Variants in BST1 observed in about 807,000 individuals in gnomAD.
BST1 encodes ADP-ribosyl cyclase/cyclic ADP-ribose hydrolase 2.
Under a neutral mutation model 40.6 loss-of-function variants are expected in BST1, and 49 were observed. The observed-to-expected ratio is 1.21, with a 90% CI of 0.96 to 1.53. The LOEUF is 1.53. BST1 is among the 40% of genes most tolerant of loss of function. The pLI, the probability that BST1 is intolerant of heterozygous loss-of-function variation, is 0.00. For missense variants in BST1, 423 were observed against 395.9 expected, an observed-to-expected ratio of 1.07 and a Z score of -0.58; for synonymous variants, 157 against 159.3, an observed-to-expected ratio of 0.99 and a Z score of 0.11.
intron 2 of BST1, among the ~76,000 whole-genome samples, chr4:15,706,975 T>C (rs533546997): frequency 6.6e-6 from 1 of 152,232 alleles, no homozygotes; most frequent in Non-Finnish European, 1.5e-5. Flanking sequence ...GGATTTGTGT[T>C]ATTGTTATAT....
chr4:15,739,554 C>CGTGTGTGTGTGTGTGTGTGT (rs58171340), downstream of BST1, among the ~76,000 whole-genome samples: 1 of 143,942 alleles, frequency 6.9e-6, no homozygotes, highest in Non-Finnish European at 1.5e-5. Flanking sequence ...GAAGCCAAAC[C>CGTGTGTGTGTGTGTGTGTGT]GTGTGTGTGT....
intron 6 of BST1, among the ~76,000 whole-genome samples, chr4:15,718,247 G>C (rs1157299925): frequency 8.9e-6 from 1 of 111,904 alleles, no homozygotes; most frequent in Non-Finnish European, 1.8e-5. Flanking sequence ...GCAGAGAAGT[G>C]TGTGTGTGTG....
the BST1 span, among the ~76,000 whole-genome samples, chr4:15,764,506 G>A: frequency 2.0e-5 from 3 of 151,924 alleles, no homozygotes; most frequent in African/African-American, 7.3e-5. Context: ...AAAATCTTTT[G>A]AGAAAATTTT....
At chr4:15,749,829 A>G in the BST1 span, among the ~76,000 whole-genome samples, 3 of 152,224 alleles carry the variant, frequency 2.0e-5, no homozygotes, top group Non-Finnish European at 4.4e-5. Context: ...TTTGAGCTAC[A>G]AACAATCCAG....
In BST1 at chr4:15,705,513, A is replaced by G; in HGVS notation, c.189-2A>G. 1.9e-6 allele frequency: 3 copies of G among 1,566,298 alleles called. No individual in the cohort carries two copies. Among genetic ancestry groups the G allele is most frequent in the Middle Eastern group, 1.7e-4 (1 of 5,812 alleles). ...TTCTTCCCAACTTGTACTTTTGCACAGGAACAAGAACTGCACAGCCATCTG... is the reference window on the plus strand; with the variant it reads ...TTCTTCCCAACTTGTACTTTTGCACGGGAACAAGAACTGCACAGCCATCTG... On this transcript the variant is annotated splice_acceptor_variant, in intron 1 of 8. Transcript: ENST00000265016. LOFTEE classifies it high-confidence loss of function.
intron 3 of BST1, among the ~76,000 whole-genome samples, chr4:15,708,497 G>A (rs1720015583): frequency 6.6e-6 from 1 of 152,156 alleles, no homozygotes; most frequent in Non-Finnish European, 1.5e-5. Flanking sequence ...AGCTTCAGAA[G>A]GGAGGCTAGC....
downstream of BST1, among the ~76,000 whole-genome samples, chr4:15,735,251 C>CA (rs1721513776): frequency 6.6e-6 from 1 of 152,228 alleles, no homozygotes; most frequent in African/African-American, 2.4e-5. Context: ...AATTCCCTAA[C>CA]AGGGCCCATC....
chr4:15,765,948 A>G, the BST1 span, among the ~76,000 whole-genome samples: 1 of 152,016 alleles, frequency 6.6e-6, no homozygotes, highest in Non-Finnish European at 1.5e-5. Flanking sequence ...TTTAACAGCT[A>G]TAAACCCAGT....
At chr4:15,725,874 A>G (rs1721076134) in intron 8 of BST1, among the ~76,000 whole-genome samples, 1 of 149,544 alleles carries the variant, frequency 6.7e-6, no homozygotes, top group Middle Eastern at 3.5e-3. Context: ...GCTCTTCAAA[A>G]CCCTCATGTG....
intron 3 of BST1, among the ~76,000 whole-genome samples, chr4:15,709,493 ATGGAG>A (rs1226717574): frequency 6.6e-6 from 1 of 152,198 alleles, no homozygotes; most frequent in Non-Finnish European, 1.5e-5. Flanking sequence ...CATTCTTTCA[ATGGAG>A]AACTTCCAGG....
downstream of BST1, among the ~76,000 whole-genome samples, chr4:15,739,208 A>G (rs1035034097): frequency 3.3e-5 from 5 of 152,222 alleles, no homozygotes; most frequent in African/African-American, 1.2e-4. Flanking sequence ...TAACCAATGA[A>G]GCAGGTTGGA....
intron 8 of BST1, among the ~76,000 whole-genome samples, chr4:15,725,956 T>A (rs1462714880): frequency 8.7e-6 from 1 of 115,396 alleles, no homozygotes; most frequent in African/African-American, 3.6e-5. Context: ...TCTTTTTTTT[T>A]TTTTTTTTTT....
chr4:15,722,964 TTTC>T (rs1434422779), intron 8 of BST1, 30 bp downstream of exon 8: 1 of 1,600,498 alleles, frequency 6.2e-7, no homozygotes, highest in Non-Finnish European at 8.6e-7. Context: ...CAAATCGTTC[TTTC>T]CAAAGATAAC....
chr4:15,715,844 T>C (rs1720488745), intron 6 of BST1, 45 bp downstream of exon 6: 1 of 1,381,480 alleles, frequency 7.2e-7, no homozygotes, highest in Non-Finnish European at 9.9e-7. Flanking sequence ...CAAGTTTGTT[T>C]TTCTTGTATA....
the BST1 span, among the ~76,000 whole-genome samples, chr4:15,754,637 G>A: frequency 6.6e-6 from 1 of 152,186 alleles, no homozygotes; most frequent in African/African-American, 2.4e-5. Context: ...TATTTGATAA[G>A]CATGCCTGAA....
chr4:15,767,939 A>T, the BST1 span, among the ~76,000 whole-genome samples: 1 of 152,106 alleles, frequency 6.6e-6, no homozygotes, highest in Non-Finnish European at 1.5e-5. Flanking sequence ...GTTTTGAAAG[A>T]CTTCCTCTTG....
chr4:15,735,039 G>T (rs528596869), downstream of BST1, among the ~76,000 whole-genome samples: 1 of 152,154 alleles, frequency 6.6e-6, no homozygotes, highest in African/African-American at 2.4e-5. Flanking sequence ...GCTCAGCTGG[G>T]CTCCTCTAAC....
chr4:15,726,440 C>T (rs1425111932), intron 8 of BST1, among the ~76,000 whole-genome samples: 2 of 152,224 alleles, frequency 1.3e-5, no homozygotes, highest in African/African-American at 2.4e-5. Flanking sequence ...GAAGGAATGA[C>T]AAATGCTCTA....
chr4:15,758,416 A>G, the BST1 span, among the ~76,000 whole-genome samples: 2 of 152,296 alleles, frequency 1.3e-5, no homozygotes, highest in South Asian at 4.1e-4. Flanking sequence ...CTGTTCCTGC[A>G]TCAATACACT....
Sources: allele counts gnomAD v4.1 joint callset (sites outside exome capture counted in the v4.1 genomes callset), GRCh38; gene constraint gnomAD v4.1.1; transcripts MANE v1.5; gene names NCBI Gene and HGNC (gene_info 2026-07-23, HGNC 2026-07-21).